HS6ST2: variants seen among roughly 807,000 people sequenced by gnomAD.
HS6ST2 encodes heparan sulfate 6-O-sulfotransferase 2.
In HS6ST2, 17 loss-of-function variants were observed where a neutral mutation model predicts 33.0. The observed-to-expected ratio is 0.52, with a 90% CI of 0.35 to 0.77. The LOEUF is 0.77. Among genes scored for constraint, HS6ST2 ranks in the 30% least tolerant of loss-of-function variants. The pLI is 0.01. For missense variants in HS6ST2, 519 were observed against 551.7 expected (o/e 0.94, Z 0.59); for synonymous variants, 248 against 237.1 (o/e 1.05, Z -0.42).
intron 4 of HS6ST2, among the ~76,000 whole-genome samples, chrX:132,632,117 A>G (rs1349773376): frequency 9.0e-6 from 1 of 110,667 alleles, no homozygotes; most frequent in Admixed American, 9.6e-5. Context: ...TGCAGCAGAG[A>G]AGTTAGAGGG....
chrX:132,743,316 T>C (rs138241182), intron 2 of HS6ST2, among the ~76,000 whole-genome samples: 1 of 111,725 alleles, frequency 9.0e-6, no homozygotes, highest in Non-Finnish European at 1.9e-5. Flanking sequence ...CAAACAGGAA[T>C]GAGTGGGGCA....
At chrX:132,731,158 C>T (rs2064453258) in intron 2 of HS6ST2, among the ~76,000 whole-genome samples, 1 of 112,013 alleles carries the variant, frequency 8.9e-6, no homozygotes, top group South Asian at 3.8e-4. Context: ...CTCCCATGCT[C>T]AACTGAGGGG....
At chrX:132,814,242 C>G (rs1034580248) in intron 2 of HS6ST2, among the ~76,000 whole-genome samples, 3 of 112,269 alleles carry the variant, frequency 2.7e-5, no homozygotes, top group African/African-American at 9.7e-5. Context: ...CCGTGCCTGG[C>G]CTTCAAGAAC....
At chrX:132,823,853 A>AATAAT (rs1556457833) in intron 2 of HS6ST2, among the ~76,000 whole-genome samples, 2 of 92,542 alleles carry the variant, frequency 2.2e-5, no homozygotes, top group African/African-American at 8.1e-5. Context: ...ACTTCATAAA[A>AATAAT]AATAATAATA....
At chrX:132,683,386 G>A (rs2063989665) in intron 3 of HS6ST2, among the ~76,000 whole-genome samples, 1 of 111,622 alleles carries the variant, frequency 9.0e-6, no homozygotes, top group African/African-American at 3.3e-5. Flanking sequence ...TGTCTCTTCT[G>A]GAATAGGCTG....
In HS6ST2 at chrX:132,875,044, C is replaced by T. The variant is rs368349902; in HGVS notation, c.947+81764G>A. Reference sequence around the variant, plus strand: ...AAGAGTAGAGGAAATGAAGTGCACCCCCCAGTGACAAGAAGCTGTTGAATA... The same window carrying T: ...AAGAGTAGAGGAAATGAAGTGCACCTCCCAGTGACAAGAAGCTGTTGAATA... On this transcript the variant is annotated intron_variant, in intron 2 of 4. Coordinates refer to ENST00000370833, the MANE Select transcript of HS6ST2 (RefSeq NM_001394073.1). Among the ~76,000 whole-genome samples the T allele has an allele frequency of 7.2e-5, 8 of 111,554 alleles. No individual in the cohort carries two copies. In the East Asian group the frequency reaches 2.3e-3, roughly 32 times the overall value.
At chrX:132,693,994 A>G (rs1203021794) in intron 3 of HS6ST2, among the ~76,000 whole-genome samples, 2 of 112,170 alleles carry the variant, frequency 1.8e-5, no homozygotes, top group Non-Finnish European at 3.8e-5. Flanking sequence ...TGAGAAAGCA[A>G]TCACAAACAT....
intron 2 of HS6ST2, among the ~76,000 whole-genome samples, chrX:132,901,368 T>C (rs773551916): frequency 8.9e-6 from 1 of 111,984 alleles, no homozygotes; most frequent in Non-Finnish European, 1.9e-5. Flanking sequence ...TAAATTGTTA[T>C]ATATTGTATG....
chrX:132,767,436 C>A (rs2064859571), intron 2 of HS6ST2, among the ~76,000 whole-genome samples: 1 of 111,937 alleles, frequency 8.9e-6, no homozygotes, highest in South Asian at 3.8e-4. Flanking sequence ...CCAAGCTGGT[C>A]TTGAAGTGAT....
chrX:132,728,589 T>G (rs2064421051), intron 2 of HS6ST2, among the ~76,000 whole-genome samples: 1 of 112,150 alleles, frequency 8.9e-6, no homozygotes, highest in African/African-American at 3.2e-5. Flanking sequence ...AGCAGAAGGC[T>G]GAGGAGAGAA....
intron 2 of HS6ST2, among the ~76,000 whole-genome samples, chrX:132,814,246 C>G (rs1395151589): frequency 8.9e-6 from 1 of 111,936 alleles, no homozygotes; most frequent in Non-Finnish European, 1.9e-5. Context: ...GCCTGGCCTT[C>G]AAGAACATTT....
chrX:132,769,862 C>T (rs1472572984), intron 2 of HS6ST2, among the ~76,000 whole-genome samples: 1 of 112,099 alleles, frequency 8.9e-6, no homozygotes, highest in African/African-American at 3.2e-5. Context: ...TCTTCTGCAG[C>T]AACCCATGCC....
At chrX:132,807,219 C>G (rs1414654810) in intron 2 of HS6ST2, among the ~76,000 whole-genome samples, 2 of 110,405 alleles carry the variant, frequency 1.8e-5, no homozygotes, top group African/African-American at 6.5e-5. Flanking sequence ...ACTCATTAAC[C>G]TACCCCAATT....
chrX:132,714,257 G>T (rs190918852), intron 2 of HS6ST2, among the ~76,000 whole-genome samples: 2 of 111,287 alleles, frequency 1.8e-5, no homozygotes, highest in African/African-American at 6.5e-5. Flanking sequence ...ATGGCTCCCC[G>T]TTTCCCTATC....
At chrX:132,634,522 G>C (rs891906315) in intron 4 of HS6ST2, among the ~76,000 whole-genome samples, 2 of 111,979 alleles carry the variant, frequency 1.8e-5, no homozygotes, top group African/African-American at 6.5e-5. Context: ...TATGCCCATG[G>C]TGACTTTACA....
intron 2 of HS6ST2, among the ~76,000 whole-genome samples, chrX:132,930,467 T>C (rs1219318894): frequency 9.0e-6 from 1 of 111,458 alleles, no homozygotes; most frequent in African/African-American, 3.3e-5. Context: ...GCCCAGCCAC[T>C]GGAAAGGCTC....
chrX:132,870,852 T>C (rs1231831004), intron 2 of HS6ST2, among the ~76,000 whole-genome samples: 1 of 111,489 alleles, frequency 9.0e-6, no homozygotes, highest in Non-Finnish European at 1.9e-5. Flanking sequence ...GGCATTGGCA[T>C]GGGCAAAGAC....
At chrX:132,764,817 A>C (rs1215562276) in intron 2 of HS6ST2, among the ~76,000 whole-genome samples, 1 of 111,855 alleles carries the variant, frequency 8.9e-6, no homozygotes, top group Non-Finnish European at 1.9e-5. Context: ...AAACAACAGT[A>C]ATTGCTGGGG....
intron 2 of HS6ST2, among the ~76,000 whole-genome samples, chrX:132,761,802 C>T (rs1329572532): frequency 8.9e-6 from 1 of 111,768 alleles, no homozygotes; most frequent in African/African-American, 3.2e-5. Flanking sequence ...AATGTGTGCA[C>T]TGGCCTTATG....
Sources: allele counts gnomAD v4.1 joint callset (sites outside exome capture counted in the v4.1 genomes callset), GRCh38; gene constraint gnomAD v4.1.1; transcripts MANE v1.5; gene names NCBI Gene and HGNC (gene_info 2026-07-23, HGNC 2026-07-21).